Variants in BEND3 observed in about 807,000 individuals in gnomAD.
BEND3 encodes BEN domain containing 3, also known as BEN domain-containing protein 3.
BEND3 carries 13 observed loss-of-function variants against 60.1 expected under a neutral mutation model. The observed-to-expected ratio is 0.22, with a 90% CI of 0.14 to 0.34. The LOEUF (loss-of-function observed/expected upper bound fraction) is 0.34. BEND3 is among the 10% of genes least tolerant of loss of function. The pLI is 1.00. For synonymous variants in BEND3, 497 were observed against 491.5 expected (o/e 1.01, Z -0.15); for missense variants, 896 against 1,138.1 (o/e 0.79, Z 3.06).
intron 3 of BEND3, among the ~76,000 whole-genome samples, chr6:107,071,905 G>A (rs533295959): frequency 6.6e-6 from 1 of 152,320 alleles, no homozygotes; most frequent in South Asian, 2.1e-4. Context: ...AATGGAGAAC[G>A]TCAGTGGGTG....
intron 3 of BEND3, among the ~76,000 whole-genome samples, chr6:107,076,184 C>T (rs937228603): frequency 1.3e-4 from 20 of 152,160 alleles, no homozygotes; most frequent in Admixed American, 3.9e-4. Context: ...GCTGCCAAGG[C>T]GGCAATGGGC....
rs371016471 is a variant in BEND3, at chr6:107,070,777, G to T, written c.414C>A (p.Ile138=). Residue 138 remains isoleucine, a synonymous_variant, in exon 4 of 4, where the codon ATC becomes ATA. Transcript: ENST00000369042. The surrounding 1 kb of genome is among the most constrained non-coding windows in gnomAD (Gnocchi z 6.9). ...CCGAGGGAGGATTCTTCTTCTCCATGATCTTGTGCGAGATGCCATACAGAG... is the reference window on the plus strand; with the variant it reads ...CCGAGGGAGGATTCTTCTTCTCCATTATCTTGTGCGAGATGCCATACAGAG... The part of the protein sequence containing the change: ...KKPLYGISHK[I]MEKKNPPSGD... 85 of 1,614,028 alleles carry T rather than the reference G, an allele frequency of 5.3e-5. No individual in the cohort carries two copies. Among genetic ancestry groups the T allele is most frequent in the Non-Finnish European group, 7.0e-5 (83 of 1,180,042 alleles).
Position 107,098,680 on chromosome 6 carries a change from C to T in BEND3, c.111G>A (p.Arg37=). Residue 37 remains arginine (R), a synonymous_variant, in exon 3 of 4, where the codon AGG becomes AGA. Coordinates refer to ENST00000369042, the MANE Select transcript of BEND3 (RefSeq NM_001367314.1). ...TGTCCACAGAGTGCTTCTCAGAAGT[C>T]CTGGAATTCACGGAGCAGTCCAGAG... ...DAALDCSVNS[R]TSEKHSVDSV... is the part of the protein sequence containing the mutation. The T allele has an allele frequency of 6.2e-7, 1 of 1,614,126 alleles. No individual in the cohort carries two copies. Among genetic ancestry groups the T allele is most frequent in the Non-Finnish European group, 8.5e-7 (1 of 1,180,036 alleles).
rs1774942541 is a variant in BEND3 at position 107,070,277 on chromosome 6, T to G, written c.914A>C (p.Gln305Pro). Residue 305 changes from glutamine to proline, a missense_variant, in exon 4 of 4, where the codon CAG becomes CCG. Gln to Pro is a moderately conservative substitution (Grantham distance 76). Transcript: ENST00000369042. This position sits in a 1 kb window ranked among gnomAD's most constrained non-coding sequence, Gnocchi z 6.9. ...AKRKLESLHL[Q>P]LIRNYVEVYY... ...GACCTCCACATAGTTGCGGATGAGC[T>G]GCAGGTGCAGCGACTCCAGCTTGCG... 6.2e-7 allele frequency: 1 copy of G among 1,612,942 alleles called. No individual in the cohort carries two copies. The highest frequency in any genetic ancestry group is 8.5e-7 in the Non-Finnish European group (1 of 1,180,024).
In BEND3 at chr6:107,068,953, G is replaced by C. The variant is rs1554231277; in HGVS notation, c.2238C>G (p.Arg746=). The C allele has an allele frequency of 6.2e-7, 1 of 1,613,944 alleles. No individual in the cohort carries two copies. The highest frequency in any genetic ancestry group is 1.7e-5 in the Admixed American group (1 of 60,024). The change falls in exon 4 of 4, where the codon CGC becomes CGG. Residue 746 remains arginine (R), a synonymous_variant. Coordinates refer to ENST00000369042, the MANE Select transcript of BEND3 (RefSeq NM_001367314.1). The surrounding 1 kb of genome is among the most constrained non-coding windows in gnomAD (Gnocchi z 5.8). ...CGGCGGTGAAGAGTTCGGGAAACAG[G>C]CGGACGAGGAGCCGGGCGGCAAAGT... ...VGNFAARLLV[R]LFPELFTAEN...
At chr6:107,082,583 C>T (rs987976113) in intron 3 of BEND3, among the ~76,000 whole-genome samples, 3 of 152,072 alleles carry the variant, frequency 2.0e-5, no homozygotes, top group Non-Finnish European at 2.9e-5. Flanking sequence ...TACAGGCACA[C>T]GCCACCACAC....
chr6:107,091,755 T>C (rs1286832603), intron 3 of BEND3, among the ~76,000 whole-genome samples: 1 of 152,142 alleles, frequency 6.6e-6, no homozygotes, highest in African/African-American at 2.4e-5. Context: ...TTCTCTACAG[T>C]CTCAGAAAAC....
chr6:107,070,747 G>A lies in BEND3; in HGVS notation c.444C>T (p.Asp148=). 2.3e-5 allele frequency: 37 copies of A among 1,614,068 alleles called. No homozygotes were observed. The highest frequency in any genetic ancestry group is 3.1e-5 in the Non-Finnish European group (37 of 1,180,016). Residue 148 remains aspartate, a synonymous_variant, in exon 4 of 4, where the codon GAC becomes GAT. Transcript: ENST00000369042. This position sits in a 1 kb window ranked among gnomAD's most constrained non-coding sequence, Gnocchi z 6.9. ...IMEKKNPPSG[D]LLNVYELFEK... ...CAAAGAGCTCGTACACGTTTAGCAGGTCCCCCGAGGGAGGATTCTTCTTCT... is the reference window on the plus strand; with the variant it reads ...CAAAGAGCTCGTACACGTTTAGCAGATCCCCCGAGGGAGGATTCTTCTTCT...
rs782252376 is a variant in BEND3, at chr6:107,069,869, T to C, written c.1322A>G (p.Gln441Arg). The C allele has an allele frequency of 1.9e-6, 3 of 1,613,708 alleles. No individual in the cohort carries two copies. Among genetic ancestry groups the C allele is most frequent in the African/African-American group, 1.3e-5 (1 of 74,910 alleles). ...QYSCYGDGGK[Q>R]ELDPQRLQII... Reference sequence around the variant, plus strand: ...CTGCAGCCGCTGCGGGTCCAGCTCCTGCTTTCCACCGTCCCCGTAGCAGCT... The same window carrying C: ...CTGCAGCCGCTGCGGGTCCAGCTCCCGCTTTCCACCGTCCCCGTAGCAGCT... The change falls in exon 4 of 4, where the codon CAG becomes CGG. Residue 441 changes from glutamine (Q) to arginine (R), a missense_variant. Gln to Arg is a conservative substitution (Grantham distance 43, BLOSUM62 1). Transcript: ENST00000369042.
intron 3 of BEND3, among the ~76,000 whole-genome samples, chr6:107,085,468 TTTTC>T (rs782767251): frequency 1.3e-5 from 2 of 152,236 alleles, no homozygotes; most frequent in African/African-American, 2.4e-5. Flanking sequence ...TTCTTTTGTT[TTTTC>T]TTTCTTTTTA....
In BEND3 at chr6:107,112,856, GAAAAAAA is replaced by G. The variant is rs1201523509; in HGVS notation, c.-12+2227_-12+2233del. Among the ~76,000 whole-genome samples, 12 of 80,138 alleles carry G rather than the reference GAAAAAAA, an allele frequency of 1.5e-4. No homozygotes were observed. In the East Asian group the frequency reaches 3.8e-3, roughly 26 times the overall value. 52.6% of individuals were successfully genotyped at this position (80,138 alleles called of 152,430 possible). ...CAACAAGAGCAAAACTCTGTCTCAA[GAAAAAAA>G]AAAAAAAAAGAAAGGCTGGGCGCGG... On this transcript the variant is annotated intron_variant, in intron 1 of 3. Transcript: ENST00000369042.
At position 107,066,625 on chromosome 6, in the gene BEND3, G is replaced by A. The variant is rs1774835588; in HGVS notation, c.*2079C>T. The A allele has an allele frequency of 6.6e-6, 1 of 152,570 alleles. No homozygotes were observed. Among genetic ancestry groups the A allele is most frequent in the Non-Finnish European group, 1.5e-5 (1 of 68,044 alleles). 9.5% of individuals were successfully genotyped at this position (152,570 alleles called of 1,614,324 possible). On this transcript the variant is annotated 3_prime_UTR_variant, in exon 4 of 4. Transcript: ENST00000369042. ...CAACATTCCACCCTCTAGAAAGCAG[G>A]GCAATTCATGGCTTGGAGTCCTCGT...
At chr6:107,093,418 G>A (rs369452311) in intron 3 of BEND3, among the ~76,000 whole-genome samples, 9 of 150,726 alleles carry the variant, frequency 6.0e-5, no homozygotes, top group South Asian at 2.1e-4. Flanking sequence ...CCAAGATCGC[G>A]CCACTGCACT....
chr6:107,102,810 T>G (rs965347633), intron 1 of BEND3, among the ~76,000 whole-genome samples: 1 of 152,180 alleles, frequency 6.6e-6, no homozygotes, highest in Non-Finnish European at 1.5e-5. Context: ...CACCAGGCAC[T>G]GGGCTGGCCA....
Position 107,098,561 on chromosome 6 carries a change from A to C in BEND3, c.230T>G (p.Leu77Arg). The C allele has an allele frequency of 6.2e-7, 1 of 1,612,720 alleles. No individual in the cohort carries two copies. The highest frequency in any genetic ancestry group is 8.5e-7 in the Non-Finnish European group (1 of 1,180,020). The change falls in exon 3 of 4, where the codon CTG becomes CGG. Residue 77 changes from leucine to arginine, a missense_variant. This residue lies in a region of BEND3 where 846 missense variants were observed against 1,036.7 expected (regional missense o/e 0.82). Coordinates refer to ENST00000369042, the MANE Select transcript of BEND3 (RefSeq NM_001367314.1). ...CAGCTAGGCCCTCACCTCGGGGATC[A>C]GCCGCCTCCTCTTCACGCCGGGGAC... ...DSVPGVKRRR[L>R]IPEALLAGMR...
Position 107,069,904 on chromosome 6 carries a change from A to G in BEND3, c.1287T>C (p.Gly429=). The change falls in exon 4 of 4, where the codon GGT becomes GGC. Residue 429 remains glycine, a synonymous_variant. Coordinates refer to ENST00000369042, the MANE Select transcript of BEND3 (RefSeq NM_001367314.1). The part of the protein sequence containing the change: ...FPELFDHRKL[G]EQYSCYGDGG... ...CGTCCCCGTAGCAGCTGTACTGTTC[A>G]CCCAGCTTGCGGTGGTCGAAGAGCT... The G allele has an allele frequency of 1.9e-6, 3 of 1,613,140 alleles. No individual in the cohort carries two copies. Among genetic ancestry groups the G allele is most frequent in the Non-Finnish European group, 2.5e-6 (3 of 1,179,802 alleles).
In BEND3 at chr6:107,070,192, G is replaced by A. The variant is rs3814073; in HGVS notation, c.999C>T (p.Asn333=). Residue 333 remains asparagine (N), a synonymous_variant, in exon 4 of 4, where the codon AAC becomes AAT. Transcript: ENST00000369042. This position sits in a 1 kb window ranked among gnomAD's most constrained non-coding sequence, Gnocchi z 6.9. ...VWQAECLPQL[N]DFFSRFWAQR... ...GGGCCCAGAAGCGGCTGAAGAAGTC[G>A]TTCAGCTGGGGCAGGCACTCGGCCT... The A allele has an allele frequency of 0.21, 335,544 of 1,612,238 alleles. 38,727 individuals carry two copies. The highest frequency in any genetic ancestry group is 0.44 in the East Asian group (19,724 of 44,846).
chr6:107,079,286 G>A (rs1463706729), intron 3 of BEND3, among the ~76,000 whole-genome samples: 2 of 152,162 alleles, frequency 1.3e-5, no homozygotes, highest in Non-Finnish European at 2.9e-5. Flanking sequence ...CCCATCTGCT[G>A]AGAGCTACTT....
At chr6:107,076,564 T>G (rs193141382) in intron 3 of BEND3, among the ~76,000 whole-genome samples, 26 of 152,022 alleles carry the variant, frequency 1.7e-4, no homozygotes, top group African/African-American at 6.0e-4. Context: ...TCCCAGGGAG[T>G]GGGACACCCT....
Sources: gnomAD v4.1 joint callset for allele counts (sites outside exome capture counted in the v4.1 genomes callset) on GRCh38, gnomAD v4.1.1 for gene constraint, gnomAD v4.1.1 regional missense constraint, Gnocchi (gnomAD v3.1) non-coding constraint, MANE v1.5 for transcripts, NCBI Gene and HGNC (gene_info 2026-07-23, HGNC 2026-07-21) for gene names.